The following NUP210L variants were observed in gnomAD, a reference collection of about 807,000 sequenced individuals.
NUP210L encodes nuclear pore membrane glycoprotein 210-like.
In NUP210L, 74 loss-of-function variants were observed where a neutral mutation model predicts 208.5. That is an observed-to-expected ratio of 0.35 (90% CI 0.29 to 0.43). The LOEUF (loss-of-function observed/expected upper bound fraction) is 0.43, where lower values mean the gene tolerates loss of function less well. Ranked by LOEUF, NUP210L falls within the 20% of genes least tolerant of loss-of-function variation. The probability of loss-of-function intolerance (pLI) is 1.00; values close to 1 mark genes in which losing one functional copy is unlikely to be tolerated. For missense variants in NUP210L, 1,843 were observed against 2,289.4 expected, an observed-to-expected ratio of 0.81 and a Z score of 3.98; for synonymous variants, 780 against 816.9, an observed-to-expected ratio of 0.95 and a Z score of 0.77.
intron 10 of NUP210L, among the ~76,000 whole-genome samples, chr1:154,119,148 A>G (rs893262231): frequency 1.3e-5 from 2 of 152,158 alleles, no homozygotes; most frequent in Admixed American, 1.3e-4. Flanking sequence ...ACCCCTGGAC[A>G]TCCATAAACT....
At chr1:154,111,715 G>T (rs1657045490) in intron 12 of NUP210L, among the ~76,000 whole-genome samples, 1 of 151,388 alleles carries the variant, frequency 6.6e-6, no homozygotes. Context: ...ATTTAAAAAA[G>T]AACTAATTCT....
chr1:154,033,286 C>T (rs1171572801), intron 27 of NUP210L, among the ~76,000 whole-genome samples: 1 of 151,866 alleles, frequency 6.6e-6, no homozygotes, highest in African/African-American at 2.4e-5. Context: ...TTTTGGTTGC[C>T]CATGTTTGTG....
intron 25 of NUP210L, among the ~76,000 whole-genome samples, chr1:154,050,717 T>A (rs1336649637): frequency 6.6e-6 from 1 of 152,218 alleles, no homozygotes; most frequent in African/African-American, 2.4e-5. Flanking sequence ...TTGTGGGTAT[T>A]CTCAATAATC....
chr1:154,112,424 A>G (rs1345592492), intron 12 of NUP210L, among the ~76,000 whole-genome samples: 1 of 152,168 alleles, frequency 6.6e-6, no homozygotes, highest in Admixed American at 6.6e-5. Context: ...CATTGCTAAA[A>G]TAACTAAAAT....
chr1:154,016,314 G>T (rs2147917965), intron 33 of NUP210L, among the ~76,000 whole-genome samples: 1 of 152,010 alleles, frequency 6.6e-6, no homozygotes, highest in South Asian at 2.1e-4. Flanking sequence ...AAAAGTTGTA[G>T]CTACCATGTT....
At chr1:154,100,778 A>G (rs1656430736) in intron 13 of NUP210L, among the ~76,000 whole-genome samples, 1 of 151,334 alleles carries the variant, frequency 6.6e-6, no homozygotes, top group African/African-American at 2.4e-5. Flanking sequence ...TAAGCCTCCC[A>G]AAATGCTGGG....
intron 27 of NUP210L, among the ~76,000 whole-genome samples, chr1:154,044,614 A>G (rs74733753): frequency 0.023 from 3,484 of 152,022 alleles, 148 homozygotes; most frequent in African/African-American, 0.079. Context: ...CTTTTTCCAA[A>G]GTTCTCTTTT....
At chr1:154,089,362 A>G in intron 16 of NUP210L, 59 bp downstream of exon 16, 11 of 1,408,860 alleles carry the variant, frequency 7.8e-6, no homozygotes, top group Admixed American at 1.8e-5. Flanking sequence ...TCCAGACTCT[A>G]TCTCTAAAGC....
intron 16 of NUP210L, among the ~76,000 whole-genome samples, chr1:154,084,199 T>C (rs1273222211): frequency 6.6e-6 from 1 of 150,524 alleles, no homozygotes; most frequent in Non-Finnish European, 1.5e-5. Flanking sequence ...GTTACCATGC[T>C]TGGCTAATTT....
chr1:154,067,216 C>T (rs183718086), intron 17 of NUP210L, among the ~76,000 whole-genome samples: 1 of 152,246 alleles, frequency 6.6e-6, no homozygotes, highest in African/African-American at 2.4e-5. Context: ...CAAACCGAAT[C>T]CAGCAGCACA....
intron 34 of NUP210L, among the ~76,000 whole-genome samples, chr1:154,011,836 G>A (rs1192911500): frequency 2.0e-5 from 3 of 151,548 alleles, no homozygotes; most frequent in African/African-American, 7.3e-5. Context: ...ACAGGCACAC[G>A]CCACCACACC....
intron 16 of NUP210L, among the ~76,000 whole-genome samples, chr1:154,086,590 C>T (rs1192824470): frequency 6.6e-6 from 1 of 151,556 alleles, no homozygotes; most frequent in African/African-American, 2.4e-5. Flanking sequence ...GCCGGAGTAT[C>T]ATTCGAGGCC....
chr1:154,052,191 A>G (rs1372264449), intron 25 of NUP210L, among the ~76,000 whole-genome samples: 1 of 152,238 alleles, frequency 6.6e-6, no homozygotes, highest in Non-Finnish European at 1.5e-5. Flanking sequence ...TCCGTTAGCA[A>G]AAAGTTGGGA....
chr1:154,148,220 T>C (rs1451832070), intron 2 of NUP210L, among the ~76,000 whole-genome samples: 2 of 151,108 alleles, frequency 1.3e-5, no homozygotes, highest in African/African-American at 4.9e-5. Context: ...TCAGCCGAGA[T>C]TGCACCATTG....
intron 4 of NUP210L, among the ~76,000 whole-genome samples, chr1:154,140,374 A>G (rs890122211): frequency 1.3e-5 from 2 of 148,536 alleles, no homozygotes; most frequent in Non-Finnish European, 3.0e-5. Flanking sequence ...AAAGAAAAAG[A>G]AAAAGATAAA....
chr1:154,014,487 G>A (rs767546782), intron 33 of NUP210L, among the ~76,000 whole-genome samples: 1 of 151,986 alleles, frequency 6.6e-6, no homozygotes, highest in Non-Finnish European at 1.5e-5. Context: ...TATAATACAA[G>A]TTCTTTTTGG....
chr1:153,997,090 C>T (rs950193443), intron 37 of NUP210L, among the ~76,000 whole-genome samples: 18 of 151,760 alleles, frequency 1.2e-4, no homozygotes, highest in African/African-American at 9.7e-5. Context: ...CAGCATCCTG[C>T]GTAACTGGGA....
intron 37 of NUP210L, among the ~76,000 whole-genome samples, chr1:153,998,072 G>A (rs1649999912): frequency 1.3e-5 from 2 of 151,744 alleles, no homozygotes; most frequent in East Asian, 1.9e-4. Context: ...ATATATCTGT[G>A]GATTCTTTTT....
chr1:154,118,781 G>A, exon 11 of NUP210L: 1 of 1,585,948 alleles, frequency 6.3e-7, no homozygotes, highest in African/African-American at 1.3e-5. Context: ...TGTTTGATTA[G>A]AAATTTTATA....
Sources: gnomAD v4.1 joint callset for allele counts (sites outside exome capture counted in the v4.1 genomes callset) on GRCh38, gnomAD v4.1.1 for gene constraint, MANE v1.5 for transcripts, NCBI Gene and HGNC (gene_info 2026-07-23, HGNC 2026-07-21) for gene names.